The following HIVEP3 variants were observed in gnomAD, a reference collection of about 807,000 sequenced individuals.
HIVEP3 encodes transcription factor HIVEP3.
HIVEP3 carries 49 observed loss-of-function variants against 152.8 expected under a neutral mutation model. That is an observed-to-expected ratio of 0.32 (90% CI 0.26 to 0.41). The LOEUF (loss-of-function observed/expected upper bound fraction) is 0.41, where lower values mean the gene tolerates loss of function less well. HIVEP3 is among the 10% of genes least tolerant of loss of function. The pLI, the probability that HIVEP3 is intolerant of heterozygous loss-of-function variation, is 1.00. For synonymous variants in HIVEP3, 1,269 were observed against 1,289.0 expected (o/e 0.98, Z 0.33); for missense variants, 2,790 against 3,103.3 (o/e 0.90, Z 2.40).
At chr1:41,673,598 C>T (rs1052499015) in intron 2 of HIVEP3, among the ~76,000 whole-genome samples, 2 of 152,144 alleles carry the variant, frequency 1.3e-5, no homozygotes, top group East Asian at 1.9e-4. Flanking sequence ...AAACCAAAAC[C>T]GCGAGCCTGA....
At position 41,575,640 on chromosome 1, in the gene HIVEP3, C is replaced by T. The variant is rs375315284; in HGVS notation, c.5111G>A (p.Arg1704Lys). The T allele has an allele frequency of 6.2e-7, 1 of 1,614,164 alleles. No individual in the cohort carries two copies. The highest frequency in any genetic ancestry group is 8.5e-7 in the Non-Finnish European group (1 of 1,180,000). Residue 1704 changes from arginine to lysine, a missense_variant, in exon 5 of 9, where the codon AGA becomes AAA. Physicochemically the swap from Arg to Lys is conservative, Grantham distance 26. Coordinates refer to ENST00000372583, the MANE Select transcript of HIVEP3 (RefSeq NM_024503.5). Reference protein sequence around the residue: ...VSPEGQKDLARVEKEEERRGE... With the variant: ...VSPEGQKDLAKVEKEEERRGE... ...TCTCCTCTCTTCTTCCTTCTCCACT[C>T]TAGCTAGATCTTTCTGGCCTTCCGG...
chr1:41,933,511 C>G (rs573803238), intron 1 of HIVEP3, among the ~76,000 whole-genome samples: 2 of 152,236 alleles, frequency 1.3e-5, no homozygotes, highest in South Asian at 4.1e-4. Context: ...AGTGTTTGCA[C>G]AGCATATCTT....
Position 41,581,182 on chromosome 1 carries a change from G to A in HIVEP3, c.3616C>T (p.Pro1206Ser), listed in dbSNP as rs1644400027. 6.4e-7 allele frequency: 1 copy of A among 1,551,852 alleles called. No homozygotes were observed. The change falls in exon 4 of 9, where the codon CCC becomes TCC. Residue 1206 changes from proline (P) to serine (S), a missense_variant. Pro to Ser is a moderately conservative substitution (Grantham distance 74, BLOSUM62 -1). This residue lies in a region of HIVEP3 where 1,078 missense variants were observed against 1,165.3 expected (regional missense o/e 0.93). Transcript: ENST00000372583. This position sits in a 1 kb window ranked among gnomAD's most constrained non-coding sequence, Gnocchi z 4.5. ...TTGGCTGGGTGAGGCATGAGCTGGGGGAGATGGAGTTGGCCTGGGTGCAGA... is the reference window on the plus strand; with the variant it reads ...TTGGCTGGGTGAGGCATGAGCTGGGAGAGATGGAGTTGGCCTGGGTGCAGA... ...TVLHPGQLHL[P>S]QLMPHPANIP...
chr1:41,691,797 C>A (rs1248476474), intron 2 of HIVEP3, among the ~76,000 whole-genome samples: 4 of 152,080 alleles, frequency 2.6e-5, no homozygotes, highest in Non-Finnish European at 5.9e-5. Flanking sequence ...TCTGTATTTG[C>A]AAATTTATGT....
intron 1 of HIVEP3, among the ~76,000 whole-genome samples, chr1:42,021,172 A>G (rs6683904): frequency 0.18 from 27,371 of 152,094 alleles, 2,531 homozygotes; most frequent in Admixed American, 0.27. Context: ...ATAAGGGGGA[A>G]AAAAGGAAGT....
intron 1 of HIVEP3, among the ~76,000 whole-genome samples, chr1:41,902,326 G>C (rs1180894049): frequency 6.6e-6 from 1 of 152,134 alleles, no homozygotes; most frequent in Non-Finnish European, 1.5e-5. Flanking sequence ...CCCCAGAGTG[G>C]TCGGTAGGAG....
chr1:41,834,579 T>C (rs1050981529), intron 1 of HIVEP3, among the ~76,000 whole-genome samples: 1 of 152,168 alleles, frequency 6.6e-6, no homozygotes, highest in Non-Finnish European at 1.5e-5. Flanking sequence ...TGGTGGTTCC[T>C]CCACAAAGCA....
At chr1:41,592,340 G>A (rs1479736782) in intron 3 of HIVEP3, among the ~76,000 whole-genome samples, 1 of 152,172 alleles carries the variant, frequency 6.6e-6, no homozygotes, top group Non-Finnish European at 1.5e-5. Context: ...AAATTGGGCT[G>A]AATGATCTCA....
intron 1 of HIVEP3, among the ~76,000 whole-genome samples, chr1:41,752,610 G>A (rs1242072061): frequency 6.6e-6 from 1 of 152,232 alleles, no homozygotes; most frequent in Non-Finnish European, 1.5e-5. Flanking sequence ...CGGAGCATCA[G>A]CGTCATCTGG....
In HIVEP3 at chr1:41,511,414, A is replaced by C. The variant is rs1569650107; in HGVS notation, c.6406-148T>G. The C allele has an allele frequency of 1.1e-5, 8 of 701,184 alleles. No individual in the cohort carries two copies. Among genetic ancestry groups the C allele is most frequent in the South Asian group, 4.1e-5 (2 of 48,446 alleles). The allele number at this position is 701,184 out of a possible 1,614,324, so 43.4% of individuals were successfully genotyped here. A position where few individuals can be genotyped will look rare whatever the true frequency, so the allele number is the denominator to read the frequency against. ...AGCTGAGCCCAGAACCAAGTTCCTGACTCCCTGCCCACAGATGCTGAGCCA... is the reference window on the plus strand; with the variant it reads ...AGCTGAGCCCAGAACCAAGTTCCTGCCTCCCTGCCCACAGATGCTGAGCCA... On this transcript the variant is annotated intron_variant, in intron 8 of 8. Coordinates refer to ENST00000372583, the MANE Select transcript of HIVEP3 (RefSeq NM_024503.5). The surrounding 1 kb of genome is among the most constrained non-coding windows in gnomAD (Gnocchi z 4.9).
At chr1:41,801,456 T>A (rs1448255620) in intron 1 of HIVEP3, among the ~76,000 whole-genome samples, 6 of 152,228 alleles carry the variant, frequency 3.9e-5, no homozygotes, top group Non-Finnish European at 7.3e-5. Context: ...GACCTGAGAA[T>A]GCCCCCCAGG....
In HIVEP3 at chr1:41,582,629, G is replaced by A. The variant is rs201664303; in HGVS notation, c.2169C>T (p.Asp723=). ...ACTCAAAGGCAGGTGGCTCTTCCTC[G>A]TCCCCAAGGCTCTTCTCTTTCCTCC... is the stretch of plus-strand genomic sequence containing the variant. The part of the protein sequence containing the change: ...RKRRKEKSLG[D]EEEPPAFEST... Residue 723 remains aspartate, a synonymous_variant, in exon 4 of 9, where the codon GAC becomes GAT. Coordinates refer to ENST00000372583, the MANE Select transcript of HIVEP3 (RefSeq NM_024503.5). The surrounding 1 kb of genome is among the most constrained non-coding windows in gnomAD (Gnocchi z 4.7). 63 of 1,613,534 alleles carry A rather than the reference G, an allele frequency of 3.9e-5. 2 individuals are homozygous for A. The highest frequency in any genetic ancestry group is 3.5e-4 in the South Asian group (32 of 90,970).
At chr1:41,653,432 C>T (rs1278877502) in intron 2 of HIVEP3, among the ~76,000 whole-genome samples, 1 of 152,112 alleles carries the variant, frequency 6.6e-6, no homozygotes, top group East Asian at 1.9e-4. Flanking sequence ...TTTAAAGTTT[C>T]CCAAATGTAC....
chr1:41,554,142 T>A (rs1418836993), intron 5 of HIVEP3, among the ~76,000 whole-genome samples: 1 of 152,230 alleles, frequency 6.6e-6, no homozygotes, highest in African/African-American at 2.4e-5. Context: ...ACCAATCAAA[T>A]GTAGATTTGG....
At position 41,511,076 on chromosome 1, in the gene HIVEP3, C is replaced by T. The variant is rs758174985; in HGVS notation, c.6596G>A (p.Gly2199Glu). The T allele has an allele frequency of 3.7e-6, 6 of 1,614,132 alleles. No homozygotes were observed. Among genetic ancestry groups the T allele is most frequent in the Non-Finnish European group, 5.1e-6 (6 of 1,180,022 alleles). ...TGGCCGGGCCTGCACCATCTGGATC[C>T]CACCGATGGGAATCAAGGGACATGG... ...RAPCPLIPIG[G>E]IQMVQARPGA... The change falls in exon 9 of 9, where the codon GGG (glycine) becomes GAG (glutamate). Residue 2199 changes from glycine to glutamate, a missense_variant. Gly to Glu is a moderately conservative substitution (Grantham distance 98, BLOSUM62 -2). This residue lies in a region of HIVEP3 where 816 missense variants were observed against 806.5 expected (regional missense o/e 1.01). Coordinates refer to ENST00000372583, the MANE Select transcript of HIVEP3 (RefSeq NM_024503.5). The surrounding 1 kb of genome is among the most constrained non-coding windows in gnomAD (Gnocchi z 4.9).
intron 1 of HIVEP3, among the ~76,000 whole-genome samples, chr1:41,761,362 A>G (rs1484700993): frequency 6.6e-6 from 1 of 152,036 alleles, no homozygotes; most frequent in Non-Finnish European, 1.5e-5. Context: ...ATGAGTGTGT[A>G]TGCATGTGTG....
At chr1:41,576,633 G>T (rs1389082518) in intron 4 of HIVEP3, among the ~76,000 whole-genome samples, 1 of 152,176 alleles carries the variant, frequency 6.6e-6, no homozygotes, top group African/African-American at 2.4e-5. Context: ...CTGATGCTGG[G>T]GCAATCTAAG....
At chr1:41,816,050 C>A (rs752343191) in intron 1 of HIVEP3, among the ~76,000 whole-genome samples, 4 of 152,110 alleles carry the variant, frequency 2.6e-5, no homozygotes, top group Admixed American at 6.6e-5. Flanking sequence ...ATCAAGGTGG[C>A]CTTGGAAGCA....
At chr1:41,795,554 G>A (rs1258676611) in intron 1 of HIVEP3, among the ~76,000 whole-genome samples, 2 of 152,174 alleles carry the variant, frequency 1.3e-5, no homozygotes, top group Admixed American at 1.3e-4. Context: ...CACTCCAGCG[G>A]AGGGAATTTA....
Sources: gnomAD v4.1 joint callset for allele counts (sites outside exome capture counted in the v4.1 genomes callset) on GRCh38, gnomAD v4.1.1 for gene constraint, gnomAD v4.1.1 regional missense constraint, Gnocchi (gnomAD v3.1) non-coding constraint, MANE v1.5 for transcripts, NCBI Gene and HGNC (gene_info 2026-07-23, HGNC 2026-07-21) for gene names.